Variants in GLP2R observed in about 807,000 individuals in gnomAD.
The protein encoded by GLP2R is glucagon like peptide 2 receptor, also known as glucagon-like peptide 2 receptor.
In GLP2R, 59 loss-of-function variants were observed where a neutral mutation model predicts 68.2. The observed-to-expected ratio is 0.87, with a 90% CI of 0.70 to 1.07. The LOEUF (loss-of-function observed/expected upper bound fraction) is 1.07, where lower values mean the gene tolerates loss of function less well. Among genes scored for constraint, GLP2R ranks in the 50% least tolerant of loss-of-function variants. GLP2R has a pLI of 0.00. For synonymous variants in GLP2R, 270 were observed against 265.4 expected (o/e 1.02, Z -0.17); for missense variants, 548 against 677.4 (o/e 0.81, Z 2.12).
intron 1 of GLP2R, among the ~76,000 whole-genome samples, chr17:9,828,521 T>C (rs1282541612): frequency 6.6e-6 from 1 of 152,236 alleles, no homozygotes; most frequent in Non-Finnish European, 1.5e-5. Context: ...CATAAAATGC[T>C]TCCTCACACA....
chr17:9,833,938 C>A, intron 2 of GLP2R, 44 bp downstream of exon 2: 1 of 1,260,450 alleles, frequency 7.9e-7, no homozygotes, highest in Non-Finnish European at 1.2e-6. Context: ...AACAAATTGC[C>A]CCAAAGCTTA....
At chr17:9,862,168 T>A in intron 9 of GLP2R, 78 bp downstream of exon 9, 1 of 996,264 alleles carries the variant, frequency 1.0e-6, no homozygotes, top group East Asian at 2.4e-5. Context: ...CCGACTTCTG[T>A]CCCCCAGGTT....
chr17:9,855,648 A>T (rs943610012), intron 5 of GLP2R, among the ~76,000 whole-genome samples: 1 of 152,222 alleles, frequency 6.6e-6, no homozygotes, highest in Non-Finnish European at 1.5e-5. Flanking sequence ...TTTAAATGTC[A>T]TCCCTAATTC....
chr17:9,854,633 G>A, intron 5 of GLP2R, 32 bp downstream of exon 5: 1 of 1,261,338 alleles, frequency 7.9e-7, no homozygotes, highest in Non-Finnish European at 1.2e-6. Context: ...ATGTGTTCGG[G>A]CAGGTATAGT....
In GLP2R at chr17:9,837,491, C is replaced by T. The variant is rs114215343; in HGVS notation, c.382+1016C>T. The stretch of plus-strand genomic sequence containing the variant: ...AAAGATTGGGATGCTAACCTCCACA[C>T]AATTTTTGGGTTGTTAGATGGGGAA... On this transcript the variant is annotated intron_variant, in intron 3 of 12. Transcript: ENST00000262441. Among the ~76,000 whole-genome samples, 1,078 of 152,240 alleles carry T rather than the reference C, an allele frequency of 7.1e-3. 9 individuals carry two copies. Among genetic ancestry groups the T allele is most frequent in the African/African-American group, 0.024 (996 of 41,522 alleles).
At chr17:9,877,794 A>G (rs985570146) in intron 10 of GLP2R, among the ~76,000 whole-genome samples, 10 of 150,278 alleles carry the variant, frequency 6.7e-5, no homozygotes, top group South Asian at 2.1e-4. Flanking sequence ...GGAGAATGGC[A>G]TGAACCCGGA....
intron 2 of GLP2R, 65 bp from the exon 3 acceptor site, chr17:9,836,306 G>T: frequency 5.4e-6 from 6 of 1,102,518 alleles, no homozygotes; most frequent in Non-Finnish European, 8.4e-6. Flanking sequence ...CGGTGCCTCT[G>T]CCTCCATCAG....
chr17:9,871,295 A>C (rs1439678119), intron 10 of GLP2R, among the ~76,000 whole-genome samples: 1 of 151,392 alleles, frequency 6.6e-6, no homozygotes, highest in East Asian at 1.9e-4. Context: ...TCGAGGCTGC[A>C]GTGAGCCATG....
intron 11 of GLP2R, among the ~76,000 whole-genome samples, chr17:9,882,613 T>C (rs1340056909): frequency 6.6e-6 from 1 of 152,218 alleles, no homozygotes; most frequent in Non-Finnish European, 1.5e-5. Context: ...ACTTTGAATG[T>C]GTTCCCCAAG....
chr17:9,869,496 G>A (rs1567732802), intron 9 of GLP2R, among the ~76,000 whole-genome samples: 1 of 152,308 alleles, frequency 6.6e-6, no homozygotes, highest in East Asian at 1.9e-4. Flanking sequence ...ACCACTTCCA[G>A]GGGGCTCTTG....
intron 10 of GLP2R, among the ~76,000 whole-genome samples, chr17:9,877,701 T>C (rs1011011358): frequency 2.1e-4 from 32 of 151,354 alleles, no homozygotes; most frequent in African/African-American, 5.8e-4. Context: ...CACGGTGAAA[T>C]CCCGTCTCTA....
intron 9 of GLP2R, among the ~76,000 whole-genome samples, chr17:9,864,212 G>C (rs2067012898): frequency 6.6e-6 from 1 of 152,202 alleles, no homozygotes; most frequent in Non-Finnish European, 1.5e-5. Flanking sequence ...CTTTTCAAAG[G>C]ATGGTCCTCA....
intron 10 of GLP2R, among the ~76,000 whole-genome samples, chr17:9,872,764 T>G (rs750199974): frequency 2.4e-4 from 37 of 152,048 alleles, no homozygotes; most frequent in Non-Finnish European, 3.5e-4. Context: ...TGCTTTCTGG[T>G]GTGTAAAAAT....
rs545235159 is a variant in GLP2R, at chr17:9,842,735, C to T, written c.504+119C>T. Reference sequence around the variant, plus strand: ...AAGAGGCTTCTCCAGCGCCTCTCCCCGGGGAAGCTAAGGAAGGTCCCGCAA... The same window carrying T: ...AAGAGGCTTCTCCAGCGCCTCTCCCTGGGGAAGCTAAGGAAGGTCCCGCAA... On this transcript the variant is annotated intron_variant, in intron 4 of 12. Transcript: ENST00000262441. The T allele has an allele frequency of 1.8e-4, 202 of 1,110,956 alleles. 1 individual carries two copies. The highest frequency in any genetic ancestry group is 1.4e-3 in the Admixed American group (60 of 43,004). 68.8% of individuals were successfully genotyped at this position (1,110,956 alleles called of 1,614,324 possible).
chr17:9,833,065 A>C (rs1036525810), intron 1 of GLP2R, among the ~76,000 whole-genome samples: 1 of 152,132 alleles, frequency 6.6e-6, no homozygotes, highest in Non-Finnish European at 1.5e-5. Context: ...GATCAAGACC[A>C]TCCTGCCCAA....
rs114930879 is a variant in GLP2R at position 9,887,821 on chromosome 17, C to A, written c.1285-111C>A. 3,342 of 794,872 alleles carry A rather than the reference C, an allele frequency of 4.2e-3. 95 individuals are homozygous for A. In the African/African-American group the frequency reaches 0.05, roughly 12 times the overall value. 49.2% of individuals were successfully genotyped at this position (794,872 alleles called of 1,614,324 possible). ...TTAGTGTAAGCAATGCAGTTGCACG[C>A]CTCTTCTGGAGACTCCTTACGACCT... On this transcript the variant is annotated intron_variant, in intron 11 of 12. Coordinates refer to ENST00000262441, the MANE Select transcript of GLP2R (RefSeq NM_004246.3).
chr17:9,879,067 G>A (rs1020025255), intron 10 of GLP2R, among the ~76,000 whole-genome samples: 1 of 151,822 alleles, frequency 6.6e-6, no homozygotes, highest in Non-Finnish European at 1.5e-5. Flanking sequence ...AACAGTAAAG[G>A]GCAGTTATTT....
chr17:9,843,878 CAG>C (rs1237545926), intron 4 of GLP2R, among the ~76,000 whole-genome samples: 6 of 151,662 alleles, frequency 4.0e-5, no homozygotes, highest in African/African-American at 9.7e-5. Context: ...TGGGAATAAA[CAG>C]GGGATAGCAC....
intron 12 of GLP2R, 94 bp downstream of exon 12, chr17:9,888,067 G>A (rs1312975246): frequency 1.6e-5 from 14 of 873,748 alleles, no homozygotes; most frequent in Non-Finnish European, 2.4e-5. Context: ...ATGATGCTAC[G>A]GGAGAATGTG....
Sources: allele counts gnomAD v4.1 joint callset (sites outside exome capture counted in the v4.1 genomes callset), GRCh38; gene constraint gnomAD v4.1.1; transcripts MANE v1.5; gene names NCBI Gene and HGNC (gene_info 2026-07-23, HGNC 2026-07-21).